COL23A1: variants seen among roughly 807,000 people sequenced by gnomAD.
The protein encoded by COL23A1 is collagen type XXIII alpha 1 chain, also known as collagen alpha-1(XXIII) chain.
Under a neutral mutation model 99.3 loss-of-function variants are expected in COL23A1, and 97 were observed. That is an observed-to-expected ratio of 0.98 (90% CI 0.83 to 1.16). The LOEUF is 1.16. COL23A1 is among the 50% of genes most tolerant of loss of function. COL23A1 has a pLI of 0.00. For missense variants in COL23A1, 762 were observed against 757.4 expected (o/e 1.01, Z -0.07); for synonymous variants, 320 against 308.2 (o/e 1.04, Z -0.40).
intron 18 of COL23A1, among the ~76,000 whole-genome samples, chr5:178,249,716 A>ACTCACTCTCTCTCTCTCTCTCT (rs1554125190): frequency 3.2e-5 from 3 of 92,750 alleles, no homozygotes; most frequent in Non-Finnish European, 6.6e-5. Flanking sequence ...ACACACACAC[A>ACTCACTCTCTCTCTCTCTCTCT]CTCTCTCTCT....
intron 1 of COL23A1, among the ~76,000 whole-genome samples, chr5:178,580,942 A>T (rs1763630947): frequency 6.6e-6 from 1 of 152,104 alleles, no homozygotes; most frequent in South Asian, 2.1e-4. Context: ...CCAGGAGCGG[A>T]GGCTGCAGTG....
intron 2 of COL23A1, among the ~76,000 whole-genome samples, chr5:178,485,531 G>C (rs1757576407): frequency 6.6e-6 from 1 of 151,054 alleles, no homozygotes; most frequent in Non-Finnish European, 1.5e-5. Context: ...CCAGCACTTT[G>C]GGAGGCCAAG....
intron 2 of COL23A1, among the ~76,000 whole-genome samples, chr5:178,311,631 C>T (rs1037459393): frequency 3.3e-5 from 5 of 149,910 alleles, no homozygotes; most frequent in Non-Finnish European, 7.4e-5. Flanking sequence ...CAGTTCACTG[C>T]AGCTTCACAC....
chr5:178,247,992 G>A (rs1056228217), intron 20 of COL23A1, among the ~76,000 whole-genome samples, 161 bp from the exon 21 acceptor site: 1 of 152,226 alleles, frequency 6.6e-6, no homozygotes. Flanking sequence ...CTTATAGTGA[G>A]CCGAGGTTGT....
rs75020519 is a variant in COL23A1 at position 178,469,196 on chromosome 5, C to G, written c.361+91486G>C. Among the ~76,000 whole-genome samples the G allele has an allele frequency of 7.1e-4, 108 of 152,312 alleles. 1 individual carries two copies. The highest frequency in any genetic ancestry group is 2.4e-3 in the African/African-American group (99 of 41,562). On this transcript the variant is annotated intron_variant, in intron 2 of 28. Transcript: ENST00000390654. ...TACCTTTTGGCTACTGTGAACAATG[C>G]TGCCCTGAACCTAGGTGTACAAATA...
At chr5:178,584,927 G>A (rs1406636727) in intron 1 of COL23A1, among the ~76,000 whole-genome samples, 1 of 152,160 alleles carries the variant, frequency 6.6e-6, no homozygotes, top group Non-Finnish European at 1.5e-5. Context: ...TATGATATGG[G>A]AAAGCTGGCA....
chr5:178,252,351 G>A (rs1049406897), intron 17 of COL23A1, among the ~76,000 whole-genome samples, 193 bp downstream of exon 17: 1 of 152,188 alleles, frequency 6.6e-6, no homozygotes, highest in Non-Finnish European at 1.5e-5. Flanking sequence ...GCTTCCCAGG[G>A]AAATCTCCCA....
At chr5:178,464,057 A>G (rs2127909984) in intron 2 of COL23A1, among the ~76,000 whole-genome samples, 1 of 152,332 alleles carries the variant, frequency 6.6e-6, no homozygotes, top group Non-Finnish European at 1.5e-5. Context: ...CTGCCGTAAC[A>G]TACACATAAC....
rs1322379211 is a variant in COL23A1, at chr5:178,308,889, C to G, written c.362-1970G>C. Among the ~76,000 whole-genome samples, 1 of 152,136 alleles carries G rather than the reference C, an allele frequency of 6.6e-6. No individual in the cohort carries two copies. Among genetic ancestry groups the G allele is most frequent in the Non-Finnish European group, 1.5e-5 (1 of 68,016 alleles). ...TGAGAGCGAGGTACGGGAACGGGAGCCCCCCGGCACACGCAGCACCATGTT... is the reference window on the plus strand; with the variant it reads ...TGAGAGCGAGGTACGGGAACGGGAGGCCCCCGGCACACGCAGCACCATGTT... On this transcript the variant is annotated intron_variant, in intron 2 of 28. Transcript: ENST00000390654. This position sits in a 1 kb window ranked among gnomAD's most constrained non-coding sequence, Gnocchi z 5.1.
intron 2 of COL23A1, among the ~76,000 whole-genome samples, chr5:178,539,970 T>C (rs1303798247): frequency 1.3e-5 from 2 of 152,164 alleles, no homozygotes; most frequent in African/African-American, 4.8e-5. Flanking sequence ...AAAAATCAAT[T>C]AATATAATGC....
intron 2 of COL23A1, among the ~76,000 whole-genome samples, chr5:178,467,706 CT>C (rs1756496736): frequency 6.6e-6 from 1 of 152,178 alleles, no homozygotes; most frequent in South Asian, 2.1e-4. Flanking sequence ...TCTCCTAGTA[CT>C]GATTTAATTC....
intron 1 of COL23A1, among the ~76,000 whole-genome samples, chr5:178,575,078 G>A (rs1169894225): frequency 1.3e-5 from 2 of 152,164 alleles, no homozygotes; most frequent in Non-Finnish European, 2.9e-5. Flanking sequence ...GTACTCTTAG[G>A]GTCAAGGGGA....
chr5:178,490,100 G>A (rs528127590), intron 2 of COL23A1, among the ~76,000 whole-genome samples: 2 of 152,142 alleles, frequency 1.3e-5, no homozygotes, highest in South Asian at 4.2e-4. Context: ...GCTGGGTGTG[G>A]TGGTGGGCGC....
chr5:178,291,849 A>G (rs1757476647), intron 3 of COL23A1, among the ~76,000 whole-genome samples: 1 of 152,000 alleles, frequency 6.6e-6, no homozygotes, highest in Admixed American at 6.6e-5. Context: ...TTTGGCTTGA[A>G]ACACTGATGT....
intron 2 of COL23A1, among the ~76,000 whole-genome samples, chr5:178,459,105 C>A (rs892614671): frequency 1.3e-5 from 2 of 152,250 alleles, no homozygotes; most frequent in African/African-American, 2.4e-5. Context: ...AATATGGGAA[C>A]CTTGACTGGA....
intron 2 of COL23A1, among the ~76,000 whole-genome samples, chr5:178,462,576 G>A (rs1756180605): frequency 1.3e-5 from 2 of 152,112 alleles, no homozygotes; most frequent in Admixed American, 1.3e-4. Flanking sequence ...AATTACTATT[G>A]TTGTGCTATT....
chr5:178,384,040 C>A lies in COL23A1; in HGVS notation c.362-77121G>T, dbSNP rs896128038. ...GGGGCCCAGGACTCCACCAGGCGGC[C>A]TGTGCAAGCCTGGGCTGCATCTCCT... On this transcript the variant is annotated intron_variant, in intron 2 of 28. Transcript: ENST00000390654. The surrounding 1 kb of genome is among the most constrained non-coding windows in gnomAD (Gnocchi z 5.5). Among the ~76,000 whole-genome samples, 1 of 152,206 alleles carries A rather than the reference C, an allele frequency of 6.6e-6. No homozygotes were observed. Among genetic ancestry groups the A allele is most frequent in the African/African-American group, 2.4e-5 (1 of 41,450 alleles).
intron 2 of COL23A1, among the ~76,000 whole-genome samples, chr5:178,542,641 A>C (rs1761353149): frequency 6.7e-6 from 1 of 150,246 alleles, no homozygotes; most frequent in South Asian, 2.2e-4. Flanking sequence ...AGGTCCAGGA[A>C]GGCAGGGAAG....
intron 2 of COL23A1, among the ~76,000 whole-genome samples, chr5:178,326,961 G>A (rs536370280): frequency 7.2e-5 from 11 of 152,260 alleles, no homozygotes; most frequent in East Asian, 3.9e-4. Flanking sequence ...TTCGTGATCC[G>A]CCCACCTTGG....
Sources: allele counts gnomAD v4.1 joint callset (sites outside exome capture counted in the v4.1 genomes callset), GRCh38; gene constraint gnomAD v4.1.1; non-coding constraint Gnocchi (gnomAD v3.1); transcripts MANE v1.5; gene names NCBI Gene and HGNC (gene_info 2026-07-23, HGNC 2026-07-21).